INTS6L: variants seen among roughly 807,000 people sequenced by gnomAD.
INTS6L encodes the protein integrator complex subunit 6-like.
INTS6L carries 18 observed loss-of-function variants against 64.7 expected under a neutral mutation model. The observed-to-expected ratio is 0.28, with a 90% CI of 0.19 to 0.41. INTS6L has a LOEUF of 0.41. Among genes scored for constraint, INTS6L ranks in the 10% least tolerant of loss-of-function variants. The pLI is 1.00. For missense variants in INTS6L, 533 were observed against 661.0 expected (o/e 0.81, Z 2.12); for synonymous variants, 227 against 235.9 (o/e 0.96, Z 0.34).
Position 135,546,477 on chromosome X carries a change from T to C in INTS6L, c.429+8T>C. On this transcript the variant is annotated splice_region_variant and intron_variant, in intron 4 of 17. Coordinates refer to ENST00000639893, the MANE Select transcript of INTS6L (RefSeq NM_001351601.3). ...GCTGGTGTTCAAGAAGAGGTGAGAT[T>C]TTATTTTTTTTTTAATTTTGTTTAA... 8.8e-7 allele frequency: 1 copy of C among 1,141,134 alleles called. No homozygotes were observed. Among genetic ancestry groups the C allele is most frequent in the Non-Finnish European group, 1.2e-6 (1 of 858,294 alleles). 94.0% of individuals were successfully genotyped at this position (1,141,134 alleles called of 1,213,427 possible). A position where few individuals can be genotyped will look rare whatever the true frequency, so the allele number is the denominator to read the frequency against.
chrX:135,529,228 T>C (rs2085836926), intron 2 of INTS6L, among the ~76,000 whole-genome samples: 1 of 112,495 alleles, frequency 8.9e-6, no homozygotes. Context: ...ATAGCTACTT[T>C]GCCCAAGAAT....
chrX:135,546,492 A>G (rs782480213), intron 4 of INTS6L, 23 bp downstream of exon 4: 8 of 1,101,123 alleles, frequency 7.3e-6, no homozygotes, highest in Non-Finnish European at 7.2e-6. Flanking sequence ...TTTTTTTTTA[A>G]TTTTGTTTAA....
chrX:135,556,998 A>G (rs1471370309), intron 9 of INTS6L, among the ~76,000 whole-genome samples: 1 of 112,235 alleles, frequency 8.9e-6, no homozygotes, highest in African/African-American at 3.2e-5. Context: ...CATTAAAACT[A>G]TGAGACTTTT....
At chrX:135,551,006 G>A (rs2086489151) in intron 7 of INTS6L, among the ~76,000 whole-genome samples, 1 of 112,276 alleles carries the variant, frequency 8.9e-6, no homozygotes, top group African/African-American at 3.2e-5. Flanking sequence ...GACATTCCAA[G>A]TAATTCACAC....
chrX:135,545,625 G>C, intron 3 of INTS6L, 53 bp downstream of exon 3: 1 of 1,118,012 alleles, frequency 8.9e-7, no homozygotes, highest in Non-Finnish European at 1.2e-6. Context: ...CTTGGGGTAA[G>C]AATTTAAAAT....
intron 2 of INTS6L, among the ~76,000 whole-genome samples, chrX:135,543,026 A>G (rs782584127): frequency 7.2e-5 from 8 of 110,545 alleles, no homozygotes; most frequent in Non-Finnish European, 3.8e-5. Flanking sequence ...TTAATCTGCA[A>G]CCTCCTCTCC....
At chrX:135,549,227 A>G (rs1367523810) in intron 6 of INTS6L, among the ~76,000 whole-genome samples, 1 of 112,431 alleles carries the variant, frequency 8.9e-6, no homozygotes, top group Non-Finnish European at 1.9e-5. Flanking sequence ...TATTTTTATC[A>G]GACTCCAGAA....
At chrX:135,550,574 A>G (rs1445065088) in intron 7 of INTS6L, among the ~76,000 whole-genome samples, 1 of 111,321 alleles carries the variant, frequency 9.0e-6, no homozygotes, top group Non-Finnish European at 1.9e-5. Context: ...GAGGGGACAC[A>G]AACAAATCAC....
chrX:135,575,207 C>T lies in INTS6L; in HGVS notation c.1865C>T (p.Pro622Leu), dbSNP rs2087192202. ...QPKRLHTFGN[P>L]FKQDKKGMMI... ...AAAAGACTGCATACTTTTGGCAATC[C>T]GTTTAAACAAGATAAGAAGGTAGGA... The change falls in exon 14 of 18, where the codon CCG becomes CTG. Residue 622 changes from proline to leucine, a missense_variant. Transcript: ENST00000639893. 1.7e-6 allele frequency: 2 copies of T among 1,209,326 alleles called. No homozygotes were observed. Among genetic ancestry groups the T allele is most frequent in the Non-Finnish European group, 1.1e-6 (1 of 894,595 alleles).
chrX:135,562,539 A>G (rs1242717952), intron 9 of INTS6L, among the ~76,000 whole-genome samples: 1 of 111,862 alleles, frequency 8.9e-6, no homozygotes, highest in Non-Finnish European at 1.9e-5. Context: ...GTGTTCTGCT[A>G]TATCCTTGTT....
chrX:135,549,138 T>C (rs1241509399), intron 6 of INTS6L, among the ~76,000 whole-genome samples: 1 of 112,335 alleles, frequency 8.9e-6, no homozygotes, highest in African/African-American at 3.2e-5. Context: ...TTTGTGGTCA[T>C]TGGGTCTAAT....
At chrX:135,540,738 C>CTCCTCT (rs1422800608) in intron 2 of INTS6L, among the ~76,000 whole-genome samples, 2 of 109,197 alleles carry the variant, frequency 1.8e-5, no homozygotes, top group Non-Finnish European at 3.8e-5. Context: ...CCTCCTCCTC[C>CTCCTCT]TCTTCCTCCC....
At position 135,536,297 on chromosome X, in the gene INTS6L, A is replaced by AT. The variant is rs199854493; in HGVS notation, c.190-9117dup. 6.3e-3 allele frequency among the ~76,000 whole-genome samples: 700 copies of AT among 111,123 alleles called. 3 individuals are homozygous for AT. Among genetic ancestry groups the AT allele is most frequent in the African/African-American group, 0.014 (420 of 30,616 alleles). On this transcript the variant is annotated intron_variant, in intron 2 of 17. Transcript: ENST00000639893. ...CCTAGAGAATATTAATCATTCAACT[A>AT]TTTTTTTTTATTTATAAATAGTCAA...
intron 2 of INTS6L, among the ~76,000 whole-genome samples, chrX:135,534,352 C>T (rs782751342): frequency 9.0e-6 from 1 of 110,676 alleles, no homozygotes; most frequent in Non-Finnish European, 1.9e-5. Context: ...TAACTGTCTG[C>T]TGAAGATCAG....
At chrX:135,539,680 G>T (rs1047136433) in intron 2 of INTS6L, among the ~76,000 whole-genome samples, 1 of 112,003 alleles carries the variant, frequency 8.9e-6, no homozygotes, top group African/African-American at 3.3e-5. Context: ...TCTAGCTTTT[G>T]ATTTAAAGCG....
At position 135,581,060 on chromosome X, in the gene INTS6L, A is replaced by G; in HGVS notation, c.2505A>G (p.Arg835=). Residue 835 remains arginine (R), a synonymous_variant, in exon 17 of 18, where the codon AGA becomes AGG. Coordinates refer to ENST00000639893, the MANE Select transcript of INTS6L (RefSeq NM_001351601.3). Reference sequence around the variant, plus strand: ...TTTAAATATCTTCAGAATATGAAAGAATTTTCATTTTGCTTGAAGAAGTGC... The same window carrying G: ...TTTAAATATCTTCAGAATATGAAAGGATTTTCATTTTGCTTGAAGAAGTGC... ...EVRKFGRKYE[R]IFILLEEVQG... is the part of the protein sequence containing the mutation. The G allele has an allele frequency of 8.6e-7, 1 of 1,166,809 alleles. No homozygotes were observed.
Position 135,575,141 on chromosome X carries a change from C to T in INTS6L, c.1799C>T (p.Thr600Ile), listed in dbSNP as rs782307773. 1 of 1,211,534 alleles carries T rather than the reference C, an allele frequency of 8.3e-7. No individual in the cohort carries two copies. Residue 600 changes from threonine to isoleucine, a missense_variant, in exon 14 of 18, where the codon ACA (threonine) becomes ATA (isoleucine). Thr to Ile is a moderately conservative substitution (Grantham distance 89). Coordinates refer to ENST00000639893, the MANE Select transcript of INTS6L (RefSeq NM_001351601.3). ...GGTAACTATCAGGAATATCTGAAGA[C>T]ATTGGCTTCTCCACTGCGAGAGATT... is the stretch of plus-strand genomic sequence containing the variant. ...QMGNYQEYLK[T>I]LASPLREIDP... is the part of the protein sequence containing the mutation.
In INTS6L at chrX:135,520,766, G is replaced by T. The variant is rs1417530040; in HGVS notation, c.-227G>T. The T allele has an allele frequency of 7.5e-6, 3 of 399,561 alleles. No individual in the cohort carries two copies. The highest frequency in any genetic ancestry group is 1.3e-5 in the Non-Finnish European group (3 of 229,938). The allele number at this position is 399,561 out of a possible 1,213,427, so 32.9% of individuals were successfully genotyped here. ...GAGAGGAAGGGGGAGGGCCCCGAGGGCTACACACGCTCACACTTTCAAGTT... is the reference window on the plus strand; with the variant it reads ...GAGAGGAAGGGGGAGGGCCCCGAGGTCTACACACGCTCACACTTTCAAGTT... On this transcript the variant is annotated 5_prime_UTR_variant, in exon 1 of 18. Coordinates refer to ENST00000639893, the MANE Select transcript of INTS6L (RefSeq NM_001351601.3).
chrX:135,581,196 G>A, intron 17 of INTS6L, 53 bp downstream of exon 17: 1 of 928,555 alleles, frequency 1.1e-6, no homozygotes. Flanking sequence ...TAGAGCAGTA[G>A]GGCCCAGTGC....
Sources: gnomAD v4.1 joint callset for allele counts (sites outside exome capture counted in the v4.1 genomes callset) on GRCh38, gnomAD v4.1.1 for gene constraint, MANE v1.5 for transcripts, NCBI Gene and HGNC (gene_info 2026-07-23, HGNC 2026-07-21) for gene names.